The following TRIM37 variants were observed in gnomAD, a reference collection of about 807,000 sequenced individuals.
TRIM37 encodes the protein tripartite motif containing 37.
Under a neutral mutation model 129.8 loss-of-function variants are expected in TRIM37, and 80 were observed. The ratio of observed to expected loss-of-function variants is 0.62; its 90% CI spans 0.51 to 0.74. The LOEUF is 0.74. Ranked by LOEUF, TRIM37 falls within the 30% of genes least tolerant of loss-of-function variation. The probability of loss-of-function intolerance (pLI) is 0.00; values close to 1 mark genes in which losing one functional copy is unlikely to be tolerated. For synonymous variants in TRIM37, 389 were observed against 387.1 expected, an observed-to-expected ratio of 1.00 and a Z score of -0.06; for missense variants, 1,054 against 1,176.5, an observed-to-expected ratio of 0.90 and a Z score of 1.52.
chr17:59,062,461 CAAA>C (rs966962258), intron 11 of TRIM37, 103 bp downstream of exon 11: 4 of 915,154 alleles, frequency 4.4e-6, no homozygotes, highest in Non-Finnish European at 6.9e-6. Flanking sequence ...GCATATGTAA[CAAA>C]AAAAAGAAGA....
chr17:59,103,667 G>A (rs74954207), intron 2 of TRIM37, among the ~76,000 whole-genome samples: 1 of 89,922 alleles, frequency 1.1e-5, no homozygotes, highest in Non-Finnish European at 2.3e-5. Context: ...TTTTTTTTTT[G>A]AGACGGAGTC....
chr17:59,079,684 A>G, intron 7 of TRIM37, 70 bp downstream of exon 7: 1 of 1,594,006 alleles, frequency 6.3e-7, no homozygotes, highest in East Asian at 2.2e-5. Context: ...GATCACCCTT[A>G]TTCTTCAAAG....
Position 59,050,133 on chromosome 17 carries a change from C to A in TRIM37, c.1315-740G>T, listed in dbSNP as rs538623972. On this transcript the variant is annotated intron_variant, in intron 14 of 23. Transcript: ENST00000262294. Reference sequence around the variant, plus strand: ...AAATAAAAATTCATCAATTAATCTTCCCCAGTGCTCATTCAACAATAGTAA... The same window carrying A: ...AAATAAAAATTCATCAATTAATCTTACCCAGTGCTCATTCAACAATAGTAA... 2.6e-5 allele frequency among the ~76,000 whole-genome samples: 4 copies of A among 152,286 alleles called. No homozygotes were observed. The East Asian group carries it at 7.7e-4, about 29-fold the overall frequency.
intron 14 of TRIM37, among the ~76,000 whole-genome samples, chr17:59,050,835 C>G (rs933879123): frequency 2.0e-5 from 3 of 151,946 alleles, no homozygotes; most frequent in South Asian, 4.2e-4. Flanking sequence ...AAAAAATTAG[C>G]CCGGTGTGGT....
intron 16 of TRIM37, among the ~76,000 whole-genome samples, chr17:59,042,446 A>ATAT (rs1568066098): frequency 2.2e-5 from 1 of 44,728 alleles, no homozygotes; most frequent in Non-Finnish European, 4.8e-5. Context: ...AAAAAAAAAA[A>ATAT]AAAATATATA....
rs2041740498 is a variant in TRIM37, at chr17:59,064,201, A to C, written c.860+154T>G. 3 of 662,064 alleles carry C rather than the reference A, an allele frequency of 4.5e-6. No homozygotes were observed. In the South Asian group the frequency reaches 5.9e-5, roughly 13 times the overall value. 41.0% of individuals were successfully genotyped at this position (662,064 alleles called of 1,614,324 possible). ...CTAAAGATACAATATAATCCAGCAC[A>C]AATTATCTCTACATTTCTAATAGGA... On this transcript the variant is annotated intron_variant, in intron 10 of 23. Coordinates refer to ENST00000262294, the MANE Select transcript of TRIM37 (RefSeq NM_015294.6).
the TRIM37 span, among the ~76,000 whole-genome samples, chr17:58,969,281 C>G: frequency 6.6e-6 from 1 of 152,074 alleles, no homozygotes; most frequent in Non-Finnish European, 1.5e-5. Context: ...ACAACTTTCA[C>G]AGAGAGAGGG....
At chr17:59,002,027 G>GT (rs529427294) in intron 22 of TRIM37, among the ~76,000 whole-genome samples, 58 of 148,382 alleles carry the variant, frequency 3.9e-4, no homozygotes, top group Admixed American at 1.6e-3. Context: ...ATCAAACACT[G>GT]TTTTTTTTTC....
chr17:59,045,432 G>A (rs1475248233), intron 16 of TRIM37, among the ~76,000 whole-genome samples: 3 of 151,836 alleles, frequency 2.0e-5, no homozygotes, highest in Admixed American at 1.3e-4. Flanking sequence ...GAGGTCAGGT[G>A]TTTGAGACCA....
chr17:59,062,304 T>C (rs867221206), intron 11 of TRIM37, among the ~76,000 whole-genome samples: 1 of 152,238 alleles, frequency 6.6e-6, no homozygotes, highest in Middle Eastern at 3.4e-3. Context: ...CCTTAGAATA[T>C]AAAAGGCAAA....
intron 17 of TRIM37, among the ~76,000 whole-genome samples, chr17:59,040,478 G>T (rs1044195958): frequency 3.9e-5 from 6 of 152,128 alleles, no homozygotes; most frequent in African/African-American, 1.4e-4. Context: ...AGTCACGGTG[G>T]CTACTGCTGA....
chr17:59,006,585 C>A (rs916976721), intron 22 of TRIM37, among the ~76,000 whole-genome samples: 1 of 152,054 alleles, frequency 6.6e-6, no homozygotes, highest in Non-Finnish European at 1.5e-5. Context: ...GTGAGGGAGA[C>A]CAACTAACTG....
At chr17:59,076,806 G>A (rs534454474) in intron 7 of TRIM37, among the ~76,000 whole-genome samples, 1 of 152,196 alleles carries the variant, frequency 6.6e-6, no homozygotes, top group Admixed American at 6.5e-5. Flanking sequence ...TTTATTTTTT[G>A]AGATGGGGTT....
chr17:59,082,780 C>G (rs577345876), intron 5 of TRIM37, among the ~76,000 whole-genome samples: 10 of 152,152 alleles, frequency 6.6e-5, no homozygotes, highest in South Asian at 4.1e-4. Context: ...ATTATTGTCT[C>G]CAAAAAAGAT....
At chr17:59,079,721 C>G (rs2043103872) in intron 7 of TRIM37, 33 bp downstream of exon 7, 1 of 1,613,168 alleles carries the variant, frequency 6.2e-7, no homozygotes, top group Non-Finnish European at 8.5e-7. Context: ...GCTGAAAGCA[C>G]CAGGTACCCC....
At position 59,051,499 on chromosome 17, in the gene TRIM37, G is replaced by A. The variant is rs1205506519; in HGVS notation, c.1200-171C>T. ...TGTAGTCCACAGATTATGACACAAG[G>A]TTCTGAAAAGCCAGTTGTCCTCAAA... On this transcript the variant is annotated intron_variant, in intron 13 of 23. Transcript: ENST00000262294. Among the ~76,000 whole-genome samples, 4 of 152,306 alleles carry A rather than the reference G, an allele frequency of 2.6e-5. No individual in the cohort carries two copies. The South Asian group carries it at 6.2e-4, about 24-fold the overall frequency.
intron 24 of TRIM37, among the ~76,000 whole-genome samples, chr17:58,988,305 G>A (rs2032010901): frequency 6.6e-6 from 1 of 152,106 alleles, no homozygotes; most frequent in South Asian, 2.1e-4. Context: ...TGTCGGCTGT[G>A]ACACACACCC....
At chr17:59,019,099 G>C (rs1271905201) in intron 19 of TRIM37, among the ~76,000 whole-genome samples, 1 of 152,182 alleles carries the variant, frequency 6.6e-6, no homozygotes, top group Non-Finnish European at 1.5e-5. Context: ...GGCACTGGTA[G>C]TTCCTCAAAA....
At position 59,098,220 on chromosome 17, in the gene TRIM37, G is replaced by A. The variant is rs2045096145; in HGVS notation, c.123+6073C>T. The stretch of plus-strand genomic sequence containing the variant: ...TAGAATAGTGGTTAACAGGGGCTAG[G>A]GGGAAGAGAATAATGAGAATTTATT... On this transcript the variant is annotated intron_variant, in intron 2 of 23. Transcript: ENST00000262294. Among the ~76,000 whole-genome samples the A allele has an allele frequency of 2.0e-5, 3 of 152,294 alleles. No homozygotes were observed. The South Asian group carries it at 6.2e-4, about 32-fold the overall frequency.
Sources: gnomAD v4.1 joint callset for allele counts (sites outside exome capture counted in the v4.1 genomes callset) on GRCh38, gnomAD v4.1.1 for gene constraint, MANE v1.5 for transcripts, NCBI Gene and HGNC (gene_info 2026-07-23, HGNC 2026-07-21) for gene names.